Variants in DAP observed in about 807,000 individuals in gnomAD.
The protein encoded by DAP is death associated protein, also known as death-associated protein 1.
Under a neutral mutation model 13.8 loss-of-function variants are expected in DAP, and 8 were observed. The observed-to-expected ratio is 0.58, with a 90% CI of 0.34 to 1.05. DAP has a LOEUF of 1.05. DAP is among the 50% of genes least tolerant of loss of function. The pLI is 0.03. For missense variants in DAP, 106 were observed against 133.2 expected, an observed-to-expected ratio of 0.80 and a Z score of 1.01; for synonymous variants, 47 against 47.5, an observed-to-expected ratio of 0.99 and a Z score of 0.04.
chr5:10,722,599 T>C (rs1434654857), intron 2 of DAP, among the ~76,000 whole-genome samples: 2 of 149,016 alleles, frequency 1.3e-5, no homozygotes, highest in Non-Finnish European at 3.0e-5. Flanking sequence ...TATATACATA[T>C]ATATACATAT....
intron 2 of DAP, among the ~76,000 whole-genome samples, chr5:10,735,525 A>G (rs2126669856): frequency 6.6e-6 from 1 of 152,326 alleles, no homozygotes. Context: ...TTCATTTTGT[A>G]TATGTTTCAT....
At chr5:10,692,919 C>A (rs959303089) in intron 2 of DAP, among the ~76,000 whole-genome samples, 1 of 152,176 alleles carries the variant, frequency 6.6e-6, no homozygotes, top group Non-Finnish European at 1.5e-5. Context: ...GGGTCCTTAC[C>A]CTTCTTCCCT....
At chr5:10,682,618 G>A (rs1014635031) in intron 3 of DAP, among the ~76,000 whole-genome samples, 2 of 152,252 alleles carry the variant, frequency 1.3e-5, no homozygotes, top group Admixed American at 6.5e-5. Flanking sequence ...CAGGGCAGGC[G>A]TGGACTGTGA....
At chr5:10,744,749 T>C (rs150938393) in intron 2 of DAP, among the ~76,000 whole-genome samples, 178 of 152,336 alleles carry the variant, frequency 1.2e-3, no homozygotes, top group African/African-American at 4.0e-3. Flanking sequence ...TACCAACTTA[T>C]AGGTGCGGTG....
At chr5:10,703,734 G>T (rs1738634515) in intron 2 of DAP, among the ~76,000 whole-genome samples, 1 of 152,174 alleles carries the variant, frequency 6.6e-6, no homozygotes, top group South Asian at 2.1e-4. Flanking sequence ...TAGTGTCCTG[G>T]GGCTCATGCC....
intron 2 of DAP, among the ~76,000 whole-genome samples, chr5:10,747,226 C>T (rs991237940): frequency 2.6e-5 from 4 of 152,178 alleles, no homozygotes; most frequent in Admixed American, 6.5e-5. Context: ...CTTTCTTCTA[C>T]GTGGACGAGC....
At chr5:10,747,997 T>G (rs1739953579) in intron 2 of DAP, 178 bp downstream of exon 2, 1 of 568,176 alleles carries the variant, frequency 1.8e-6, no homozygotes, top group Non-Finnish European at 3.2e-6. Flanking sequence ...GGGGCTCTAT[T>G]TTCTCCCCTG....
chr5:10,751,623 C>T (rs1439915708), intron 1 of DAP, among the ~76,000 whole-genome samples: 1 of 152,186 alleles, frequency 6.6e-6, no homozygotes, highest in Non-Finnish European at 1.5e-5. Context: ...TCCTAACTGA[C>T]ATACCCTTAA....
At chr5:10,757,751 T>G (rs1169935347) in intron 1 of DAP, among the ~76,000 whole-genome samples, 1 of 152,156 alleles carries the variant, frequency 6.6e-6, no homozygotes, top group African/African-American at 2.4e-5. Flanking sequence ...ACCACCTGCA[T>G]CCCTGCGCAC....
intron 2 of DAP, among the ~76,000 whole-genome samples, chr5:10,698,306 A>AAAG (rs1738482197): frequency 6.6e-6 from 1 of 150,994 alleles, no homozygotes; most frequent in Non-Finnish European, 1.5e-5. Context: ...AAAAAAAAAA[A>AAAG]AGAGAGCAAG....
chr5:10,685,242 G>GTGTT (rs1303812725), intron 2 of DAP, among the ~76,000 whole-genome samples: 1 of 152,270 alleles, frequency 6.6e-6, no homozygotes, highest in African/African-American at 2.4e-5. Flanking sequence ...GTTTTATTTA[G>GTGTT]TGTTTGTTGT....
chr5:10,736,682 C>T (rs1451702087), intron 2 of DAP, among the ~76,000 whole-genome samples: 1 of 152,238 alleles, frequency 6.6e-6, no homozygotes, highest in Non-Finnish European at 1.5e-5. Context: ...AACTTGGTCT[C>T]TGAGTCTCAG....
chr5:10,694,322 T>C (rs914861438), intron 2 of DAP, among the ~76,000 whole-genome samples: 1 of 152,054 alleles, frequency 6.6e-6, no homozygotes, highest in Non-Finnish European at 1.5e-5. Flanking sequence ...TGAGGCTTAG[T>C]TTCCTTGTCT....
chr5:10,687,212 A>AC, intron 2 of DAP, among the ~76,000 whole-genome samples: 1 of 152,348 alleles, frequency 6.6e-6, no homozygotes, highest in South Asian at 2.1e-4. Context: ...GCCACCCAAG[A>AC]CCAAGTATAC....
intron 2 of DAP, among the ~76,000 whole-genome samples, chr5:10,742,616 A>C (rs761671576): frequency 1.3e-5 from 2 of 152,326 alleles, no homozygotes; most frequent in Admixed American, 6.5e-5. Context: ...GTGGGCTTCT[A>C]TAACATTCTG....
intron 2 of DAP, among the ~76,000 whole-genome samples, chr5:10,703,222 TGGGAC>T (rs1738623044): frequency 1.3e-5 from 2 of 152,234 alleles, no homozygotes; most frequent in Non-Finnish European, 2.9e-5. Flanking sequence ...GCTTACTTGT[TGGGAC>T]ACAGTAAGAT....
intron 2 of DAP, among the ~76,000 whole-genome samples, chr5:10,706,389 T>G (rs954576987): frequency 6.6e-6 from 1 of 152,202 alleles, no homozygotes; most frequent in Admixed American, 6.5e-5. Flanking sequence ...ACAGAGAGGT[T>G]GAATAACCTG....
chr5:10,694,194 A>G (rs1263427489), intron 2 of DAP, among the ~76,000 whole-genome samples: 1 of 152,170 alleles, frequency 6.6e-6, no homozygotes, highest in Non-Finnish European at 1.5e-5. Context: ...ATTCAGAACC[A>G]CGCAAAGGAG....
intron 2 of DAP, among the ~76,000 whole-genome samples, chr5:10,695,261 G>A (rs888936168): frequency 4.6e-5 from 7 of 152,272 alleles, no homozygotes; most frequent in South Asian, 4.1e-4. Flanking sequence ...CTCAGCCCGC[G>A]AACGCTCCGG....
Sources: allele counts gnomAD v4.1 joint callset (sites outside exome capture counted in the v4.1 genomes callset), GRCh38; gene constraint gnomAD v4.1.1; transcripts MANE v1.5; gene names NCBI Gene and HGNC (gene_info 2026-07-23, HGNC 2026-07-21).